Variants in HDAC9 observed in about 807,000 individuals in gnomAD.
HDAC9 encodes the protein MEF-2 interacting transcription repressor (MITR) protein.
A neutral mutation model predicts 139.4 loss-of-function variants in HDAC9; 41 were observed. The ratio of observed to expected loss-of-function variants is 0.29; its 90% CI spans 0.23 to 0.38. The LOEUF (loss-of-function observed/expected upper bound fraction) is 0.38, where lower values mean the gene tolerates loss of function less well. HDAC9 is among the 10% of genes least tolerant of loss of function. HDAC9 has a pLI of 1.00. For missense variants in HDAC9, 1,147 were observed against 1,297.0 expected, an observed-to-expected ratio of 0.88 and a Z score of 1.78; for synonymous variants, 517 against 476.2, an observed-to-expected ratio of 1.09 and a Z score of -1.12.
At chr7:18,136,265 C>A (rs1025856850) in intron 1 of HDAC9, among the ~76,000 whole-genome samples, 74 of 151,240 alleles carry the variant, frequency 4.9e-4, no homozygotes, top group African/African-American at 1.8e-3. Flanking sequence ...CCTGTTCACT[C>A]TGATGGTAGT....
At position 18,192,114 on chromosome 7, in the gene HDAC9, G is replaced by T. The variant is rs117667049; in HGVS notation, c.25+29765G>T. 3.3e-5 allele frequency among the ~76,000 whole-genome samples: 5 copies of T among 152,308 alleles called. No individual in the cohort carries two copies. The East Asian group carries it at 7.7e-4, about 24-fold the overall frequency. ...CCTGGAAATGAGGTAGGATGAACCC[G>T]GCCGGGGGGCGGGGGGGTGTCACAG... is the stretch of plus-strand genomic sequence containing the variant. On this transcript the variant is annotated intron_variant, in intron 2 of 12. Transcript: ENST00000417496.
Position 18,584,728 on chromosome 7 carries a change from A to G in HDAC9, c.23-553A>G, listed in dbSNP as rs142165595. On this transcript the variant is annotated intron_variant, in intron 2 of 25. Coordinates refer to ENST00000686413, the MANE Select transcript of HDAC9 (RefSeq NM_178425.4). ...TCTGGCACCATTGCTGTGGTTAATT[A>G]CCATTTTCCACATTTTAGCATGCAG... is the stretch of plus-strand genomic sequence containing the variant. Among the ~76,000 whole-genome samples, 403 of 152,290 alleles carry G rather than the reference A, an allele frequency of 2.6e-3. 1 individual carries two copies. Among genetic ancestry groups the G allele is most frequent in the Non-Finnish European group, 4.2e-3 (287 of 68,026 alleles).
intron 1 of HDAC9, among the ~76,000 whole-genome samples, chr7:18,415,414 A>G (rs1452037422): frequency 6.6e-6 from 1 of 152,212 alleles, no homozygotes; most frequent in Non-Finnish European, 1.5e-5. Flanking sequence ...CCTTTAGTGA[A>G]TCCATCAGGA....
intron 2 of HDAC9, among the ~76,000 whole-genome samples, chr7:18,272,346 A>T (rs893637056): frequency 3.7e-4 from 56 of 152,156 alleles, no homozygotes; most frequent in Non-Finnish European, 5.7e-4. Context: ...AAGATTTTTT[A>T]AAAAATACAT....
At chr7:18,681,349 G>C (rs1781876259) in intron 12 of HDAC9, among the ~76,000 whole-genome samples, 1 of 151,836 alleles carries the variant, frequency 6.6e-6, no homozygotes, top group Non-Finnish European at 1.5e-5. Context: ...CAATATTTTA[G>C]CCTTTCTTTT....
chr7:18,514,900 T>A (rs1339602621), intron 2 of HDAC9, among the ~76,000 whole-genome samples: 3 of 152,278 alleles, frequency 2.0e-5, no homozygotes, highest in Middle Eastern at 3.4e-3. Flanking sequence ...TGAGCTATGA[T>A]CATGCCGCTG....
chr7:18,323,370 C>G (rs1195716825), intron 1 of HDAC9, among the ~76,000 whole-genome samples: 1 of 152,154 alleles, frequency 6.6e-6, no homozygotes, highest in East Asian at 1.9e-4. Flanking sequence ...TTGGCTTGGG[C>G]CTTTGTTTCC....
intron 1 of HDAC9, among the ~76,000 whole-genome samples, chr7:18,347,961 G>A (rs572260736): frequency 6.6e-6 from 1 of 152,278 alleles, no homozygotes; most frequent in Non-Finnish European, 1.5e-5. Flanking sequence ...TAGATAAAGG[G>A]TTGACAGTCA....
chr7:18,191,335 T>C (rs975898858), intron 2 of HDAC9, among the ~76,000 whole-genome samples: 6 of 152,210 alleles, frequency 3.9e-5, no homozygotes, highest in African/African-American at 1.4e-4. Flanking sequence ...TAAATAATCT[T>C]TGCAGACCTG....
At chr7:18,854,974 A>G (rs1019936810) in intron 21 of HDAC9, among the ~76,000 whole-genome samples, 2 of 152,262 alleles carry the variant, frequency 1.3e-5, no homozygotes, top group East Asian at 1.9e-4. Context: ...TGTTTTGATG[A>G]TCACCTAGGT....
chr7:18,124,881 T>TTTTC (rs775797438), intron 1 of HDAC9, among the ~76,000 whole-genome samples: 3 of 150,074 alleles, frequency 2.0e-5, no homozygotes, highest in African/African-American at 7.3e-5. Context: ...TTTTCTCAGT[T>TTTTC]TTTCTTTCTT....
intron 22 of HDAC9, among the ~76,000 whole-genome samples, chr7:18,914,815 A>G (rs1055095722): frequency 6.6e-6 from 1 of 152,110 alleles, no homozygotes; most frequent in South Asian, 2.1e-4. Flanking sequence ...ACCGTTAAAG[A>G]TATAGCAGAA....
In HDAC9 at chr7:18,935,102, A is replaced by G. The variant is rs543883214; in HGVS notation, c.2804-707A>G. Among the ~76,000 whole-genome samples the G allele has an allele frequency of 3.3e-5, 5 of 152,296 alleles. No homozygotes were observed. The South Asian group carries it at 1.0e-3, about 32-fold the overall frequency. On this transcript the variant is annotated intron_variant, in intron 22 of 25. Transcript: ENST00000686413. ...TTTAGAAAAGGAAAGCAATGGAATTATAAACTCAGGATCCTGATCTCCCAC... is the reference window on the plus strand; with the variant it reads ...TTTAGAAAAGGAAAGCAATGGAATTGTAAACTCAGGATCCTGATCTCCCAC...
intron 11 of HDAC9, among the ~76,000 whole-genome samples, chr7:18,659,110 T>TG (rs1792315606): frequency 6.6e-6 from 1 of 152,142 alleles, no homozygotes; most frequent in African/African-American, 2.4e-5. Context: ...GATTTATTCT[T>TG]ACATGATCCT....
At chr7:18,257,897 G>A (rs1248906805) in intron 2 of HDAC9, among the ~76,000 whole-genome samples, 1 of 152,176 alleles carries the variant, frequency 6.6e-6, no homozygotes, top group African/African-American at 2.4e-5. Flanking sequence ...AAACTGTAAG[G>A]GAGGGACTTA....
intron 12 of HDAC9, among the ~76,000 whole-genome samples, chr7:18,695,103 T>C (rs528294126): frequency 4.6e-5 from 7 of 152,310 alleles, no homozygotes; most frequent in African/African-American, 1.7e-4. Context: ...TTACACACTT[T>C]AGGACATCTT....
chr7:18,350,771 G>A (rs201668131), intron 1 of HDAC9, among the ~76,000 whole-genome samples: 12 of 152,092 alleles, frequency 7.9e-5, no homozygotes, highest in East Asian at 3.9e-4. Flanking sequence ...GATTTATGTC[G>A]AATATAAGCT....
intron 1 of HDAC9, among the ~76,000 whole-genome samples, chr7:18,314,762 G>T (rs376944288): frequency 6.6e-6 from 1 of 152,236 alleles, no homozygotes; most frequent in East Asian, 1.9e-4. Context: ...TGCATTTTTA[G>T]CAATAAATTT....
chr7:18,341,718 C>T (rs1473137264), intron 1 of HDAC9, among the ~76,000 whole-genome samples: 2 of 151,286 alleles, frequency 1.3e-5, no homozygotes, highest in African/African-American at 4.8e-5. Context: ...AGTTTTTGGC[C>T]TATTTTGATT....
Sources: allele counts gnomAD v4.1 joint callset (sites outside exome capture counted in the v4.1 genomes callset), GRCh38; gene constraint gnomAD v4.1.1; transcripts MANE v1.5; gene names NCBI Gene and HGNC (gene_info 2026-07-23, HGNC 2026-07-21).